Variants in GALNTL6 observed in about 807,000 individuals in gnomAD.
The protein encoded by GALNTL6 is polypeptide N-acetylgalactosaminyltransferase-like 6.
Under a neutral mutation model 73.7 loss-of-function variants are expected in GALNTL6, and 46 were observed. The observed-to-expected ratio is 0.62, with a 90% CI of 0.49 to 0.80. The LOEUF is 0.80. Ranked by LOEUF, GALNTL6 falls within the 30% of genes least tolerant of loss-of-function variation. The probability of loss-of-function intolerance (pLI) is 0.00; values close to 1 mark genes in which losing one functional copy is unlikely to be tolerated. For missense variants in GALNTL6, 604 were observed against 755.0 expected, an observed-to-expected ratio of 0.80 and a Z score of 2.34; for synonymous variants, 259 against 263.7, an observed-to-expected ratio of 0.98 and a Z score of 0.17.
At chr4:171,973,026 G>A (rs925249506) in intron 2 of GALNTL6, among the ~76,000 whole-genome samples, 3 of 152,046 alleles carry the variant, frequency 2.0e-5, no homozygotes, top group Non-Finnish European at 4.4e-5. Flanking sequence ...AATTATTAAA[G>A]AGTATTCTAT....
rs555508077 is a variant in GALNTL6 at position 171,989,084 on chromosome 4, A to G, written c.138+174366A>G. 4.9e-3 allele frequency among the ~76,000 whole-genome samples: 751 copies of G among 152,198 alleles called. 8 individuals are homozygous for G. Among genetic ancestry groups the G allele is most frequent in the African/African-American group, 0.017 (686 of 41,530 alleles). On this transcript the variant is annotated intron_variant, in intron 2 of 12. Coordinates refer to ENST00000506823, the MANE Select transcript of GALNTL6 (RefSeq NM_001034845.3). ...GTCTAAGTTGGCACCAGAGTTGGGG[A>G]GTTTTAAGAGGTTTAGAAGCCTGGC... is the stretch of plus-strand genomic sequence containing the variant.
chr4:172,759,647 C>G (rs1737951320), intron 5 of GALNTL6, among the ~76,000 whole-genome samples: 1 of 152,298 alleles, frequency 6.6e-6, no homozygotes. Context: ...TCCTGTAGCA[C>G]TAACCATGAA....
intron 7 of GALNTL6, among the ~76,000 whole-genome samples, chr4:172,857,554 A>G (rs1744183546): frequency 1.3e-5 from 2 of 152,170 alleles, no homozygotes; most frequent in African/African-American, 4.8e-5. Flanking sequence ...GAGAACTAAC[A>G]TTTTCAGACT....
At position 172,404,614 on chromosome 4, in the gene GALNTL6, G is replaced by A. The variant is rs906407220; in HGVS notation, c.553+55925G>A. On this transcript the variant is annotated intron_variant, in intron 5 of 12. Transcript: ENST00000506823. ...GCTTTCTTCTTTAATTATAAAAAGT[G>A]TGACCATTATGTAGCTGTTCTTGTA... 2.0e-5 allele frequency among the ~76,000 whole-genome samples: 3 copies of A among 151,954 alleles called. No individual in the cohort carries two copies. The East Asian group carries it at 5.8e-4, about 29-fold the overall frequency.
intron 5 of GALNTL6, among the ~76,000 whole-genome samples, chr4:172,613,502 C>A (rs887447604): frequency 6.6e-6 from 1 of 151,720 alleles, no homozygotes; most frequent in African/African-American, 2.4e-5. Flanking sequence ...GGACTTTATT[C>A]GAGATGTCAT....
chr4:172,904,741 T>G (rs1746796859), intron 8 of GALNTL6, among the ~76,000 whole-genome samples: 1 of 146,790 alleles, frequency 6.8e-6, no homozygotes, highest in Non-Finnish European at 1.5e-5. Flanking sequence ...TAGTCTCTCT[T>G]AAGCAGAAAA....
intron 5 of GALNTL6, among the ~76,000 whole-genome samples, chr4:172,665,704 A>G (rs1009040589): frequency 6.6e-6 from 1 of 152,240 alleles, no homozygotes; most frequent in African/African-American, 2.4e-5. Flanking sequence ...TATTTTGCCT[A>G]TCATAAGATA....
intron 2 of GALNTL6, among the ~76,000 whole-genome samples, chr4:171,927,644 C>T (rs1738029886): frequency 6.6e-6 from 1 of 152,148 alleles, no homozygotes; most frequent in East Asian, 1.9e-4. Context: ...TTTGTCCTTT[C>T]TCTTGTTCTG....
chr4:172,349,662 T>C (rs969663229), intron 5 of GALNTL6, among the ~76,000 whole-genome samples: 9 of 152,022 alleles, frequency 5.9e-5, no homozygotes, highest in African/African-American at 2.2e-4. Context: ...TTCTTTTAAA[T>C]ACTGATTCAG....
intron 10 of GALNTL6, among the ~76,000 whole-genome samples, chr4:172,986,213 G>A (rs1751284188): frequency 6.6e-6 from 1 of 152,000 alleles, no homozygotes; most frequent in African/African-American, 2.4e-5. Context: ...TCCCCTCTTG[G>A]GTTTCATCAC....
intron 10 of GALNTL6, among the ~76,000 whole-genome samples, chr4:173,000,732 G>C (rs1752009747): frequency 6.6e-6 from 1 of 152,164 alleles, no homozygotes; most frequent in South Asian, 2.1e-4. Context: ...GAATCCAATA[G>C]ATTGCCAAGA....
intron 2 of GALNTL6, among the ~76,000 whole-genome samples, chr4:172,031,682 T>C (rs9790639): frequency 0.099 from 14,987 of 151,892 alleles, 911 homozygotes; most frequent in Non-Finnish European, 0.14. Context: ...GGCAGCCAAG[T>C]TCTCTGGCTT....
chr4:172,612,531 G>A (rs563652347), intron 5 of GALNTL6, among the ~76,000 whole-genome samples: 1 of 152,090 alleles, frequency 6.6e-6, no homozygotes, highest in African/African-American at 2.4e-5. Flanking sequence ...GTCACACTGG[G>A]CAGAATTAAG....
At chr4:171,903,273 T>C (rs1334780547) in intron 2 of GALNTL6, among the ~76,000 whole-genome samples, 1 of 151,956 alleles carries the variant, frequency 6.6e-6, no homozygotes, top group African/African-American at 2.4e-5. Context: ...TGGGCGCAGG[T>C]CAGTGGGTGC....
intron 5 of GALNTL6, among the ~76,000 whole-genome samples, chr4:172,449,441 C>T (rs1196545471): frequency 1.3e-5 from 2 of 152,206 alleles, no homozygotes; most frequent in Non-Finnish European, 2.9e-5. Flanking sequence ...ATTCTCACCA[C>T]CCCACTGAAA....
At chr4:172,058,531 T>C (rs1377722472) in intron 2 of GALNTL6, among the ~76,000 whole-genome samples, 2 of 152,098 alleles carry the variant, frequency 1.3e-5, no homozygotes, top group East Asian at 3.9e-4. Context: ...GGAGTTGTTT[T>C]GTGTCTGTGT....
intron 2 of GALNTL6, among the ~76,000 whole-genome samples, chr4:171,892,140 A>T (rs766493053): frequency 1.1e-3 from 166 of 152,334 alleles, no homozygotes; most frequent in Non-Finnish European, 2.1e-3. Context: ...ACATGAATGA[A>T]TTTTGTGTTT....
At chr4:172,088,103 A>C (rs1226524901) in intron 2 of GALNTL6, among the ~76,000 whole-genome samples, 1 of 152,142 alleles carries the variant, frequency 6.6e-6, no homozygotes, top group Non-Finnish European at 1.5e-5. Flanking sequence ...TCATTCTTCC[A>C]AAAAGTTTAT....
chr4:172,423,811 A>G (rs1030243746), intron 5 of GALNTL6, among the ~76,000 whole-genome samples: 8 of 152,094 alleles, frequency 5.3e-5, no homozygotes, highest in South Asian at 2.1e-4. Flanking sequence ...TGTTTGTTAA[A>G]TGAATGAATT....
Sources: allele counts gnomAD v4.1 joint callset (sites outside exome capture counted in the v4.1 genomes callset), GRCh38; gene constraint gnomAD v4.1.1; transcripts MANE v1.5; gene names NCBI Gene and HGNC (gene_info 2026-07-23, HGNC 2026-07-21).